BBX: variants seen among roughly 807,000 people sequenced by gnomAD.
BBX encodes HMG box transcription factor BBX.
In BBX, 30 loss-of-function variants were observed where a neutral mutation model predicts 100.2. That is an observed-to-expected ratio of 0.30 (90% CI 0.22 to 0.41). The LOEUF (loss-of-function observed/expected upper bound fraction) is 0.41. BBX is among the 10% of genes least tolerant of loss of function. BBX has a pLI of 1.00. For missense variants in BBX, 1,023 were observed against 1,129.8 expected (o/e 0.91, Z 1.35); for synonymous variants, 376 against 388.1 (o/e 0.97, Z 0.37).
intron 8 of BBX, among the ~76,000 whole-genome samples, 181 bp from the exon 9 acceptor site, chr3:107,747,784 G>T (rs929883150): frequency 5.3e-5 from 8 of 151,416 alleles, no homozygotes; most frequent in Non-Finnish European, 1.0e-4. Context: ...ATAATCATCT[G>T]TTTTTAGAAA....
At chr3:107,770,305 T>C (rs1462007601) in intron 10 of BBX, among the ~76,000 whole-genome samples, 1 of 152,176 alleles carries the variant, frequency 6.6e-6, no homozygotes, top group Non-Finnish European at 1.5e-5. Flanking sequence ...GCCGGTAAGG[T>C]AAATGTTCCT....
In BBX at chr3:107,700,414, CATTATTATTATTATT is replaced by C. The variant is rs71113690; in HGVS notation, c.-9-10011_-9-9997del. Among the ~76,000 whole-genome samples the C allele has an allele frequency of 1.0e-3, 72 of 70,100 alleles. 2 individuals carry two copies. The highest frequency in any genetic ancestry group is 2.2e-3 in the African/African-American group (69 of 30,818). The allele number at this position is 70,100 out of a possible 152,430, so 46.0% of individuals were successfully genotyped here. On this transcript the variant is annotated intron_variant, in intron 3 of 17. Transcript: ENST00000325805. ...AGGCAAAGGTATTTTCTTTCATCAT[CATTATTATTATTATT>C]ATTATTATTATTATTATTATTATTA...
chr3:107,578,479 T>C (rs2051997545), intron 2 of BBX, among the ~76,000 whole-genome samples: 1 of 152,216 alleles, frequency 6.6e-6, no homozygotes, highest in Non-Finnish European at 1.5e-5. Context: ...CTATTTCTCA[T>C]TAGGTTTTGT....
chr3:107,523,277 A>G (rs1403315257), intron 1 of BBX, among the ~76,000 whole-genome samples, 170 bp downstream of exon 1: 1 of 151,764 alleles, frequency 6.6e-6, no homozygotes, highest in Non-Finnish European at 1.5e-5. Context: ...AGGAAGACGG[A>G]GGGAACCCCG....
intron 10 of BBX, among the ~76,000 whole-genome samples, chr3:107,766,736 G>A (rs1403681093): frequency 2.6e-5 from 4 of 152,110 alleles, no homozygotes; most frequent in Non-Finnish European, 4.4e-5. Context: ...AAATCATTCT[G>A]CTATAAAGAC....
intron 3 of BBX, among the ~76,000 whole-genome samples, chr3:107,665,258 G>A (rs892258222): frequency 1.3e-5 from 2 of 152,102 alleles, no homozygotes; most frequent in Non-Finnish European, 2.9e-5. Flanking sequence ...TTCCCTAAAA[G>A]CACTAGGCCG....
intron 10 of BBX, among the ~76,000 whole-genome samples, chr3:107,758,066 C>T (rs2065625150): frequency 6.6e-6 from 1 of 152,126 alleles, no homozygotes. Flanking sequence ...CATAGGCTGT[C>T]CACACATCTG....
At chr3:107,760,753 C>A (rs1413514628) in intron 10 of BBX, among the ~76,000 whole-genome samples, 1 of 152,074 alleles carries the variant, frequency 6.6e-6, no homozygotes, top group Non-Finnish European at 1.5e-5. Flanking sequence ...TACTTAGGAA[C>A]CACTAGAAGT....
chr3:107,721,540 G>A (rs2062532407), intron 5 of BBX, among the ~76,000 whole-genome samples: 1 of 151,906 alleles, frequency 6.6e-6, no homozygotes, highest in Admixed American at 6.6e-5. Flanking sequence ...ACCTAAAGAT[G>A]TGTGGTTTGT....
rs1190402670 is a variant in BBX, at chr3:107,645,922, GTGAAGGTACATCTTAC to G, written c.-10+15_-10+30del. The G allele has an allele frequency of 6.6e-6, 1 of 152,608 alleles. No individual in the cohort carries two copies. Among genetic ancestry groups the G allele is most frequent in the Non-Finnish European group, 1.5e-5 (1 of 68,036 alleles). 9.5% of individuals were successfully genotyped at this position (152,608 alleles called of 1,614,324 possible). On this transcript the variant is annotated intron_variant, in intron 3 of 17. Transcript: ENST00000325805. ...CTTGACTTGACTGGTAAGAGCTGTT[GTGAAGGTACATCTTAC>G]TTACTTACCTGGAAGCAGTGAGGCA...
chr3:107,739,921 G>A (rs1489530834), intron 7 of BBX, among the ~76,000 whole-genome samples: 1 of 152,156 alleles, frequency 6.6e-6, no homozygotes, highest in Admixed American at 6.6e-5. Flanking sequence ...CCTGGAGTCT[G>A]TTCTGGACTT....
chr3:107,553,673 A>G (rs540929051), intron 2 of BBX, among the ~76,000 whole-genome samples: 1 of 152,296 alleles, frequency 6.6e-6, no homozygotes, highest in South Asian at 2.1e-4. Flanking sequence ...ATCATTCACT[A>G]AAGAGGAAGG....
At chr3:107,761,693 T>C (rs572521601) in intron 10 of BBX, among the ~76,000 whole-genome samples, 128 of 152,200 alleles carry the variant, frequency 8.4e-4, no homozygotes, top group African/African-American at 2.9e-3. Context: ...AGCTGAAAGA[T>C]GCTGAGGGTG....
chr3:107,725,740 A>G (rs1031653419), intron 5 of BBX, among the ~76,000 whole-genome samples: 1 of 151,968 alleles, frequency 6.6e-6, no homozygotes, highest in Non-Finnish European at 1.5e-5. Flanking sequence ...GAGGGAAGGG[A>G]TCCAGCATTT....
chr3:107,714,067 C>T (rs1042701575), intron 4 of BBX, among the ~76,000 whole-genome samples: 1 of 148,610 alleles, frequency 6.7e-6, no homozygotes, highest in African/African-American at 2.5e-5. Flanking sequence ...CCTCCTCCTC[C>T]CAGGTTCAGG....
intron 3 of BBX, among the ~76,000 whole-genome samples, chr3:107,698,259 C>T (rs2060794110): frequency 6.6e-6 from 1 of 151,646 alleles, no homozygotes. Context: ...ACGACTAAGT[C>T]ATATGAAAGA....
chr3:107,755,319 T>C (rs2065387725), intron 9 of BBX, among the ~76,000 whole-genome samples: 1 of 152,202 alleles, frequency 6.6e-6, no homozygotes, highest in South Asian at 2.1e-4. Flanking sequence ...TGAAATGCAT[T>C]TCTCACTTTA....
intron 13 of BBX, among the ~76,000 whole-genome samples, chr3:107,788,442 G>A (rs901883733): frequency 6.6e-6 from 1 of 152,086 alleles, no homozygotes; most frequent in Non-Finnish European, 1.5e-5. Context: ...CCCTTGAAGA[G>A]CAGTTTTCCA....
intron 3 of BBX, among the ~76,000 whole-genome samples, chr3:107,694,831 CT>C (rs1292572679): frequency 6.6e-6 from 1 of 151,682 alleles, no homozygotes; most frequent in South Asian, 2.1e-4. Context: ...GTCCTGGACT[CT>C]TTTTGGTTGG....
Sources: gnomAD v4.1 joint callset for allele counts (sites outside exome capture counted in the v4.1 genomes callset) on GRCh38, gnomAD v4.1.1 for gene constraint, MANE v1.5 for transcripts, NCBI Gene and HGNC (gene_info 2026-07-23, HGNC 2026-07-21) for gene names.